FRAS1: variants seen among roughly 807,000 people sequenced by gnomAD.
FRAS1 encodes the protein extracellular matrix organizing protein FRAS1.
In FRAS1, 290 loss-of-function variants were observed where a neutral mutation model predicts 435.2. That is an observed-to-expected ratio of 0.67 (90% CI 0.61 to 0.73). The LOEUF is 0.73. FRAS1 is among the 30% of genes least tolerant of loss of function. The pLI is 0.00. For missense variants in FRAS1, 4,860 were observed against 5,001.5 expected (o/e 0.97, Z 0.85); for synonymous variants, 1,800 against 1,851.0 (o/e 0.97, Z 0.71).
chr4:78,278,995 A>G (rs1460786167), intron 10 of FRAS1, among the ~76,000 whole-genome samples: 2 of 152,230 alleles, frequency 1.3e-5, no homozygotes, highest in East Asian at 3.9e-4. Context: ...CATACTACAC[A>G]TCAGGTGCTG....
intron 14 of FRAS1, among the ~76,000 whole-genome samples, chr4:78,305,667 A>G (rs2110214934): frequency 6.6e-6 from 1 of 150,384 alleles, no homozygotes; most frequent in South Asian, 2.1e-4. Flanking sequence ...CTGTTTTGTC[A>G]GAGACTAGGA....
intron 20 of FRAS1, among the ~76,000 whole-genome samples, chr4:78,346,815 TGTCCCAGA>T (rs1730620245): frequency 6.6e-6 from 1 of 152,144 alleles, no homozygotes; most frequent in Non-Finnish European, 1.5e-5. Context: ...CCTCCCCCAG[TGTCCCAGA>T]GCCCATCTGC....
At chr4:78,475,077 C>A (rs567477398) in intron 53 of FRAS1, among the ~76,000 whole-genome samples, 3 of 152,314 alleles carry the variant, frequency 2.0e-5, no homozygotes, top group Admixed American at 2.0e-4. Flanking sequence ...TCCCTAAGAA[C>A]CCACTGACCT....
rs74974779 is a variant in FRAS1 at position 78,374,514 on chromosome 4, A to T, written c.3151+263A>T. ...TGGAAACAAAGCCAATATTTTATGG[A>T]ATGTAACGCTTCTATTGATCTACAG... On this transcript the variant is annotated intron_variant, in intron 25 of 73. Coordinates refer to ENST00000512123, the MANE Select transcript of FRAS1 (RefSeq NM_025074.7). Among the ~76,000 whole-genome samples the T allele has an allele frequency of 0.016, 2,401 of 152,328 alleles. 30 individuals are homozygous for T. Among genetic ancestry groups the T allele is most frequent in the Non-Finnish European group, 0.024 (1,660 of 68,036 alleles).
chr4:78,293,515 T>C (rs1029723616), intron 14 of FRAS1, among the ~76,000 whole-genome samples: 2 of 152,210 alleles, frequency 1.3e-5, no homozygotes, highest in Admixed American at 1.3e-4. Context: ...TTCTCACCCC[T>C]CTTTTTCTTC....
At chr4:78,258,262 G>C (rs560800079) in intron 6 of FRAS1, among the ~76,000 whole-genome samples, 1 of 151,738 alleles carries the variant, frequency 6.6e-6, no homozygotes, top group Admixed American at 6.6e-5. Context: ...GATCTCTTGA[G>C]CCTGGGAGGT....
At chr4:78,070,255 GTA>G (rs34910696) in intron 2 of FRAS1, among the ~76,000 whole-genome samples, 109,176 of 148,514 alleles carry the variant, frequency 0.74, 40,539 homozygotes, top group Non-Finnish European at 0.81. Context: ...GTATATAAGT[GTA>G]TATATATATA....
intron 30 of FRAS1, among the ~76,000 whole-genome samples, chr4:78,403,491 C>T (rs1732981440): frequency 6.6e-6 from 1 of 152,270 alleles, no homozygotes; most frequent in Non-Finnish European, 1.5e-5. Context: ...CCACTTAGCA[C>T]AAATCTGCTT....
At position 78,496,722 on chromosome 4, in the gene FRAS1, A is replaced by G. The variant is rs1560412815; in HGVS notation, c.8959-83A>G. 3.1e-6 allele frequency: 4 copies of G among 1,282,592 alleles called. No homozygotes were observed. In the East Asian group the frequency reaches 9.4e-5, roughly 30 times the overall value. 79.5% of individuals were successfully genotyped at this position (1,282,592 alleles called of 1,614,324 possible). On this transcript the variant is annotated intron_variant, in intron 59 of 73. Coordinates refer to ENST00000512123, the MANE Select transcript of FRAS1 (RefSeq NM_025074.7). The stretch of plus-strand genomic sequence containing the variant: ...TGTGGACTTTTTGATGCAATAAAGA[A>G]GAAAGATAGTTTTCTAGGAAAACCA...
At chr4:78,100,729 C>A (rs6820400) in intron 2 of FRAS1, among the ~76,000 whole-genome samples, 1 of 151,936 alleles carries the variant, frequency 6.6e-6, no homozygotes, top group Non-Finnish European at 1.5e-5. Context: ...GATCCTGGCT[C>A]TTGGTGTTTT....
intron 3 of FRAS1, among the ~76,000 whole-genome samples, chr4:78,242,241 A>C (rs900489227): frequency 2.0e-5 from 3 of 152,204 alleles, no homozygotes; most frequent in Non-Finnish European, 2.9e-5. Flanking sequence ...TCACTTATCC[A>C]GAGCTAGGAG....
intron 15 of FRAS1, among the ~76,000 whole-genome samples, chr4:78,313,470 T>A (rs1371714302): frequency 6.6e-6 from 1 of 152,214 alleles, no homozygotes; most frequent in Non-Finnish European, 1.5e-5. Context: ...TCAGCAGTTC[T>A]CTATTTTTGA....
chr4:78,236,927 A>G (rs1724787328), intron 2 of FRAS1, among the ~76,000 whole-genome samples: 1 of 152,176 alleles, frequency 6.6e-6, no homozygotes, highest in African/African-American at 2.4e-5. Flanking sequence ...TGCTTCATTT[A>G]TACCTCAATA....
intron 58 of FRAS1, among the ~76,000 whole-genome samples, 193 bp downstream of exon 58, chr4:78,482,728 G>A (rs78113346): frequency 6.6e-4 from 100 of 152,278 alleles, no homozygotes; most frequent in African/African-American, 2.3e-3. Flanking sequence ...GATGTCTCCG[G>A]TACTCTGCCA....
At chr4:78,105,119 G>T (rs1218353374) in intron 2 of FRAS1, among the ~76,000 whole-genome samples, 1 of 152,160 alleles carries the variant, frequency 6.6e-6, no homozygotes, top group Non-Finnish European at 1.5e-5. Flanking sequence ...GCTCCCTGTG[G>T]ATATGCCCAC....
chr4:78,383,859 C>T (rs1732116217), intron 27 of FRAS1, among the ~76,000 whole-genome samples, 200 bp from the exon 28 acceptor site: 1 of 152,132 alleles, frequency 6.6e-6, no homozygotes, highest in South Asian at 2.1e-4. Flanking sequence ...GATTTAAGAA[C>T]ACACAGTATT....
chr4:78,243,844 C>T (rs998689057), intron 3 of FRAS1, among the ~76,000 whole-genome samples: 3 of 152,124 alleles, frequency 2.0e-5, no homozygotes, highest in African/African-American at 7.2e-5. Context: ...TTCTCCCTTG[C>T]TCCCGGCTTC....
chr4:78,129,056 G>C (rs530186213), intron 2 of FRAS1, among the ~76,000 whole-genome samples: 1 of 152,182 alleles, frequency 6.6e-6, no homozygotes, highest in Admixed American at 6.5e-5. Flanking sequence ...TCAAAGATCA[G>C]ATAGTTGTAG....
chr4:78,371,843 T>C (rs908030300), intron 23 of FRAS1, among the ~76,000 whole-genome samples: 2 of 152,172 alleles, frequency 1.3e-5, no homozygotes, highest in African/African-American at 4.8e-5. Context: ...AACTATAATA[T>C]TCACAATAAC....
Sources: gnomAD v4.1 joint callset for allele counts (sites outside exome capture counted in the v4.1 genomes callset) on GRCh38, gnomAD v4.1.1 for gene constraint, MANE v1.5 for transcripts, NCBI Gene and HGNC (gene_info 2026-07-23, HGNC 2026-07-21) for gene names.